ELSPBP1: variants seen among roughly 807,000 people sequenced by gnomAD.
The protein encoded by ELSPBP1 is epididymal sperm-binding protein 1.
A neutral mutation model predicts 33.3 loss-of-function variants in ELSPBP1; 38 were observed. The observed-to-expected ratio is 1.14, with a 90% CI of 0.88 to 1.50. The LOEUF (loss-of-function observed/expected upper bound fraction) is 1.50. ELSPBP1 is among the 40% of genes most tolerant of loss of function. The pLI, the probability that ELSPBP1 is intolerant of heterozygous loss-of-function variation, is 0.00. For synonymous variants in ELSPBP1, 85 were observed against 94.1 expected (o/e 0.90, Z 0.56); for missense variants, 267 against 263.5 (o/e 1.01, Z -0.09).
intron 1 of ELSPBP1, among the ~76,000 whole-genome samples, chr19:48,007,081 C>T (rs1967028114): frequency 6.6e-6 from 1 of 152,110 alleles, no homozygotes; most frequent in African/African-American, 2.4e-5. Context: ...CCATCTGATG[C>T]CTTCCCGAGC....
At chr19:48,014,425 C>T (rs555911394) in intron 3 of ELSPBP1, 117 bp downstream of exon 3, 60 of 1,125,978 alleles carry the variant, frequency 5.3e-5, no homozygotes, top group Middle Eastern at 3.2e-4. Flanking sequence ...AATACGTATG[C>T]GTGCGTAGAA....
rs150395308 is a variant in ELSPBP1, at chr19:48,023,774, G to A, written c.*8-1178G>A. Among the ~76,000 whole-genome samples the A allele has an allele frequency of 2.1e-3, 314 of 152,004 alleles. 3 individuals are homozygous for A. The highest frequency in any genetic ancestry group is 7.2e-3 in the African/African-American group (297 of 41,466). On this transcript the variant is annotated intron_variant, in intron 6 of 6. Transcript: ENST00000339841. ...TGGGCCTCCTGCCCCACCTCAGCCC[G>A]CTGGTCATCAAGTACCTCCACAGAA...
At chr19:48,007,513 G>A (rs992719865) in intron 1 of ELSPBP1, among the ~76,000 whole-genome samples, 1 of 152,172 alleles carries the variant, frequency 6.6e-6, no homozygotes, top group Non-Finnish European at 1.5e-5. Flanking sequence ...GGTGATAGTA[G>A]CTGAGACTCA....
At chr19:48,009,514 C>T (rs533457715) in intron 2 of ELSPBP1, among the ~76,000 whole-genome samples, 10 of 152,306 alleles carry the variant, frequency 6.6e-5, no homozygotes, top group Non-Finnish European at 1.3e-4. Context: ...ATGTCATTCA[C>T]TCAAGCCTTG....
At chr19:48,021,389 C>T (rs1967197967) in intron 5 of ELSPBP1, among the ~76,000 whole-genome samples, 1 of 148,044 alleles carries the variant, frequency 6.8e-6, no homozygotes, top group Non-Finnish European at 1.5e-5. Context: ...GTAGGGTTTA[C>T]CCAGATTTTA....
At chr19:48,007,709 T>C (rs1455302877) in intron 1 of ELSPBP1, among the ~76,000 whole-genome samples, 1 of 152,174 alleles carries the variant, frequency 6.6e-6, no homozygotes, top group South Asian at 2.1e-4. Flanking sequence ...GTGTGATTCA[T>C]GGGGAGGATT....
intron 1 of ELSPBP1, among the ~76,000 whole-genome samples, chr19:48,006,648 G>GGAA (rs1967023048): frequency 8.4e-6 from 1 of 119,280 alleles, no homozygotes; most frequent in African/African-American, 3.1e-5. Context: ...AAAAAAAAAA[G>GGAA]AAAAGAAAAA....
chr19:48,001,054 G>T (rs1399214871), intron 1 of ELSPBP1, among the ~76,000 whole-genome samples: 4 of 152,268 alleles, frequency 2.6e-5, no homozygotes, highest in African/African-American at 9.6e-5. Context: ...TCCGCTTCCT[G>T]GCTTCTTCCA....
intron 4 of ELSPBP1, among the ~76,000 whole-genome samples, chr19:48,016,456 TTTTCTTTCCTTCTTTCTTTC>T (rs1382839114): frequency 0.096 from 9,502 of 98,718 alleles, 841 homozygotes; most frequent in East Asian, 0.17. Flanking sequence ...TTTCTCTTTC[TTTTCTTTCCTTCTTTCTTTC>T]TTTCTTTCTT....
intron 6 of ELSPBP1, among the ~76,000 whole-genome samples, chr19:48,024,436 C>T (rs73567247): frequency 0.047 from 7,076 of 152,112 alleles, 434 homozygotes; most frequent in African/African-American, 0.14. Flanking sequence ...ATCCCTCCTC[C>T]CTTTGGGGTG....
chr19:48,019,479 G>C (rs1967175286), intron 4 of ELSPBP1, among the ~76,000 whole-genome samples: 2 of 152,162 alleles, frequency 1.3e-5, no homozygotes, highest in Non-Finnish European at 1.5e-5. Context: ...GAGTCAAGGT[G>C]ATGGCGACCG....
chr19:47,996,574 T>C (rs1966914433), intron 1 of ELSPBP1, among the ~76,000 whole-genome samples: 1 of 151,406 alleles, frequency 6.6e-6, no homozygotes, highest in Non-Finnish European at 1.5e-5. Flanking sequence ...GTATGGATGA[T>C]GGAAGAAGAT....
At chr19:47,997,195 A>C (rs1966919727) in intron 1 of ELSPBP1, among the ~76,000 whole-genome samples, 4 of 152,190 alleles carry the variant, frequency 2.6e-5, no homozygotes, top group Admixed American at 2.6e-4. Flanking sequence ...ATGTTCAATA[A>C]ATTTGGTAAG....
intron 2 of ELSPBP1, among the ~76,000 whole-genome samples, chr19:48,012,017 T>C (rs1332797356): frequency 6.8e-6 from 1 of 147,050 alleles, no homozygotes; most frequent in African/African-American, 2.5e-5. Context: ...TTATTGTACG[T>C]GGGTTTTCAT....
intron 6 of ELSPBP1, among the ~76,000 whole-genome samples, chr19:48,023,372 GAGAGGAAAGGA>G (rs1967225807): frequency 1.1e-5 from 1 of 88,918 alleles, no homozygotes; most frequent in East Asian, 6.2e-4. Context: ...GAGGAAGGAA[GAGAGGAAAGGA>G]GGGAGGAGGG....
intron 4 of ELSPBP1, among the ~76,000 whole-genome samples, chr19:48,016,511 TCTTTCTTTCTTTCTTTCTTCCTTCCTTC>T (rs1476436960): frequency 1.7e-3 from 148 of 88,696 alleles, no homozygotes; most frequent in African/African-American, 6.4e-3. Flanking sequence ...TTTCTTTCTT[TCTTTCTTTCTTTCTTTCTTCCTTCCTTC>T]CTTCCTTCCT....
At chr19:48,018,952 A>G (rs1967169687) in intron 4 of ELSPBP1, among the ~76,000 whole-genome samples, 1 of 152,164 alleles carries the variant, frequency 6.6e-6, no homozygotes, top group African/African-American at 2.4e-5. Context: ...TCAGGAGTTC[A>G]AGACCTGCCT....
intron 1 of ELSPBP1, among the ~76,000 whole-genome samples, chr19:47,998,786 CAA>C (rs34853595): frequency 0.024 from 2,691 of 110,902 alleles, 61 homozygotes; most frequent in East Asian, 0.12. Context: ...GACTCCGTCT[CAA>C]AAAAAAAAAA....
At chr19:47,997,313 T>A (rs1600098918) in intron 1 of ELSPBP1, among the ~76,000 whole-genome samples, 1 of 152,324 alleles carries the variant, frequency 6.6e-6, no homozygotes, top group South Asian at 2.1e-4. Flanking sequence ...ACTCAGGGTG[T>A]TCTATCTTTT....
Sources: gnomAD v4.1 joint callset for allele counts (sites outside exome capture counted in the v4.1 genomes callset) on GRCh38, gnomAD v4.1.1 for gene constraint, MANE v1.5 for transcripts, NCBI Gene and HGNC (gene_info 2026-07-23, HGNC 2026-07-21) for gene names.